The following G3BP2 variants were observed in gnomAD, a reference collection of about 807,000 sequenced individuals.
The protein encoded by G3BP2 is ras GTPase-activating protein-binding protein 2.
Under a neutral mutation model 56.7 loss-of-function variants are expected in G3BP2, and 11 were observed. The observed-to-expected ratio is 0.19, with a 90% CI of 0.12 to 0.32. The LOEUF (loss-of-function observed/expected upper bound fraction) is 0.32. Ranked by LOEUF, G3BP2 falls within the 10% of genes least tolerant of loss-of-function variation. G3BP2 has a pLI of 1.00. For synonymous variants in G3BP2, 165 were observed against 191.6 expected, an observed-to-expected ratio of 0.86 and a Z score of 1.15; for missense variants, 340 against 610.9, an observed-to-expected ratio of 0.56 and a Z score of 4.67.
intron 1 of G3BP2, among the ~76,000 whole-genome samples, chr4:75,670,077 G>C (rs1733367306): frequency 6.6e-6 from 1 of 152,152 alleles, no homozygotes; most frequent in African/African-American, 2.4e-5. Context: ...ATTATAAAAA[G>C]AATAAGACCT....
In G3BP2 at chr4:75,646,475, C is replaced by T. The variant is rs767272286; in HGVS notation, c.1058-19G>A. 2.3e-6 allele frequency: 3 copies of T among 1,288,954 alleles called. No homozygotes were observed. The South Asian group carries it at 3.6e-5, about 15-fold the overall frequency. The allele number at this position is 1,288,954 out of a possible 1,614,324, so 79.8% of individuals were successfully genotyped here. On this transcript the variant is annotated intron_variant, in intron 10 of 11. Transcript: ENST00000359707. The stretch of plus-strand genomic sequence containing the variant: ...CCAAAACCTGTGAAAATATACATTA[C>T]ATCAAGGGTTAAATATTTTTAACAG...
At chr4:75,699,756 T>C (rs1315949206) in intron 3 of G3BP2, among the ~76,000 whole-genome samples, 2 of 152,224 alleles carry the variant, frequency 1.3e-5, no homozygotes, top group African/African-American at 4.8e-5. Flanking sequence ...AAGGATTTCA[T>C]TAATATTTCT....
rs1327693845 is a variant in G3BP2, at chr4:75,645,242, A to G, written c.*188T>C. ...CCAAGTCTAGATTTATAAATTAACA[A>G]TGTGAATCCTGTTGTGAAATTGGGG... On this transcript the variant is annotated 3_prime_UTR_variant, in exon 12 of 12. Transcript: ENST00000359707. 3 of 597,060 alleles carry G rather than the reference A, an allele frequency of 5.0e-6. No individual in the cohort carries two copies. The Admixed American group carries it at 9.5e-5, about 19-fold the overall frequency. 37.0% of individuals were successfully genotyped at this position (597,060 alleles called of 1,614,324 possible).
chr4:75,704,075 G>A (rs1392761532), intron 3 of G3BP2, among the ~76,000 whole-genome samples: 3 of 149,156 alleles, frequency 2.0e-5, no homozygotes, highest in Admixed American at 6.7e-5. Context: ...CTGGAGTGCC[G>A]TGGTGTGGTC....
At chr4:75,663,208 G>C (rs1165362609) in intron 1 of G3BP2, among the ~76,000 whole-genome samples, 1 of 152,190 alleles carries the variant, frequency 6.6e-6, no homozygotes, top group Non-Finnish European at 1.5e-5. Context: ...ATGATAATGT[G>C]CCTCAAAGTT....
At chr4:75,661,906 A>C in intron 2 of G3BP2, 25 bp downstream of exon 2, 1 of 1,218,192 alleles carries the variant, frequency 8.2e-7, no homozygotes. Context: ...AGATAAAAAT[A>C]CCAAATTATT....
intron 1 of G3BP2, among the ~76,000 whole-genome samples, chr4:75,663,433 T>A (rs150093267): frequency 1.1e-3 from 165 of 152,294 alleles, no homozygotes; most frequent in Non-Finnish European, 1.7e-3. Context: ...CTAATTTTTT[T>A]AAATTTTTTA....
intron 3 of G3BP2, among the ~76,000 whole-genome samples, chr4:75,688,797 G>GT (rs1468292808): frequency 6.6e-6 from 1 of 152,192 alleles, no homozygotes; most frequent in Non-Finnish European, 1.5e-5. Flanking sequence ...TTTGAGAATG[G>GT]TAAGTGTGCA....
At chr4:75,702,202 G>T (rs535850492) in intron 3 of G3BP2, among the ~76,000 whole-genome samples, 2 of 135,510 alleles carry the variant, frequency 1.5e-5, no homozygotes, top group African/African-American at 2.9e-5. Flanking sequence ...TTGAGACAGG[G>T]TCTGGCTCTG....
chr4:75,669,882 C>T (rs184950791), intron 1 of G3BP2, among the ~76,000 whole-genome samples: 382 of 152,216 alleles, frequency 2.5e-3, no homozygotes, highest in African/African-American at 8.8e-3. Context: ...CACCTGAGGT[C>T]AGGAGTTCGA....
chr4:75,719,632 G>A (rs1334319675), intron 3 of G3BP2, among the ~76,000 whole-genome samples: 1 of 151,662 alleles, frequency 6.6e-6, no homozygotes, highest in Non-Finnish European at 1.5e-5. Flanking sequence ...CTCTTGTTGC[G>A]CAGGCTGGAG....
chr4:75,708,725 C>T (rs893289463), intron 3 of G3BP2, among the ~76,000 whole-genome samples: 1 of 152,168 alleles, frequency 6.6e-6, no homozygotes, highest in Non-Finnish European at 1.5e-5. Context: ...AGTCCCAGCA[C>T]TTTGGGAGGC....
chr4:75,670,455 A>C (rs772168144), intron 1 of G3BP2: 1 of 152,190 alleles, frequency 6.6e-6, no homozygotes, highest in Non-Finnish European at 1.5e-5. Context: ...ACAAATAAAT[A>C]ATAAAAGTAA....
intron 1 of G3BP2, among the ~76,000 whole-genome samples, chr4:75,723,646 G>A (rs1720272432): frequency 6.6e-6 from 1 of 152,168 alleles, no homozygotes; most frequent in South Asian, 2.1e-4. Flanking sequence ...AGCACGGCAC[G>A]CACACAGTAG....
intron 1 of G3BP2, among the ~76,000 whole-genome samples, chr4:75,664,251 A>T (rs11736474): frequency 1.3e-5 from 2 of 152,084 alleles, no homozygotes; most frequent in African/African-American, 4.8e-5. Context: ...ATTCCTAAGC[A>T]TGTATCTACT....
At chr4:75,683,054 G>T (rs528944324) in intron 3 of G3BP2, among the ~76,000 whole-genome samples, 81 of 151,848 alleles carry the variant, frequency 5.3e-4, no homozygotes, top group African/African-American at 1.9e-3. Flanking sequence ...CTTCTACCTT[G>T]GCCAGTCTGG....
chr4:75,723,923 AGGG>A (rs1720287129), intron 1 of G3BP2: 1 of 151,982 alleles, frequency 6.6e-6, no homozygotes, highest in Non-Finnish European at 1.5e-5. Context: ...CTGAAAACAC[AGGG>A]GTTGAGAGTT....
At chr4:75,648,868 T>C in intron 8 of G3BP2, 127 bp from the exon 9 acceptor site, 1 of 579,430 alleles carries the variant, frequency 1.7e-6, no homozygotes, top group Non-Finnish European at 3.1e-6. Context: ...TTTAACATAG[T>C]GTCCTATGTA....
chr4:75,685,799 C>T (rs1718573848), intron 3 of G3BP2, among the ~76,000 whole-genome samples: 1 of 152,158 alleles, frequency 6.6e-6, no homozygotes, highest in African/African-American at 2.4e-5. Flanking sequence ...AGCTTCCAGA[C>T]ATGGTTCCTA....
Sources: gnomAD v4.1 joint callset for allele counts (sites outside exome capture counted in the v4.1 genomes callset) on GRCh38, gnomAD v4.1.1 for gene constraint, MANE v1.5 for transcripts, NCBI Gene and HGNC (gene_info 2026-07-23, HGNC 2026-07-21) for gene names.